MFN1: variants seen among roughly 807,000 people sequenced by gnomAD.
The protein encoded by MFN1 is mitofusin 1, also known as mitofusin-1.
In MFN1, 65 loss-of-function variants were observed where a neutral mutation model predicts 92.4. That is an observed-to-expected ratio of 0.70 (90% CI 0.58 to 0.86). MFN1 has a LOEUF of 0.86. Ranked by LOEUF, MFN1 falls within the 40% of genes least tolerant of loss-of-function variation. MFN1 has a pLI of 0.00. For synonymous variants in MFN1, 297 were observed against 300.9 expected (o/e 0.99, Z 0.13); for missense variants, 781 against 868.0 (o/e 0.90, Z 1.26).
chr3:179,358,805 A>G (rs769784871), intron 3 of MFN1, 35 bp from the exon 4 acceptor site: 1 of 1,582,164 alleles, frequency 6.3e-7, no homozygotes, highest in East Asian at 2.3e-5. Context: ...TTTTACTGTT[A>G]TGTTTTGTTT....
chr3:179,348,658 G>T, intron 1 of MFN1, 187 bp from the exon 2 acceptor site: 1 of 791,376 alleles, frequency 1.3e-6, no homozygotes, highest in Non-Finnish European at 1.8e-6. Flanking sequence ...ACTTATTTTA[G>T]TGAAATATCA....
chr3:179,356,870 C>T (rs139759882), intron 3 of MFN1, among the ~76,000 whole-genome samples: 48 of 152,256 alleles, frequency 3.2e-4, no homozygotes, highest in African/African-American at 1.0e-3. Context: ...TATGCTGAGA[C>T]ACCAGGTTGC....
At position 179,368,022 on chromosome 3, in the gene MFN1, C is replaced by T. The variant is rs753456749; in HGVS notation, c.908-14C>T. 4 of 1,494,146 alleles carry T rather than the reference C, an allele frequency of 2.7e-6. No individual in the cohort carries two copies. Among genetic ancestry groups the T allele is most frequent in the South Asian group, 1.4e-5 (1 of 69,458 alleles). 92.6% of individuals were successfully genotyped at this position (1,494,146 alleles called of 1,614,324 possible). On this transcript the variant is annotated splice_polypyrimidine_tract_variant and intron_variant, in intron 8 of 17. Coordinates refer to ENST00000471841, the MANE Select transcript of MFN1 (RefSeq NM_033540.3). ...TACATACTAGGTTTTTAAATCTTTG[C>T]CTGTACGTTACAGGTGTGGCACTTG...
chr3:179,370,693 A>AGCCACC (rs1201063076), intron 9 of MFN1, among the ~76,000 whole-genome samples: 1 of 152,138 alleles, frequency 6.6e-6, no homozygotes, highest in Non-Finnish European at 1.5e-5. Flanking sequence ...TACAGGCGTG[A>AGCCACC]GCCACCGTGC....
chr3:179,377,272 T>C (rs1713276201), intron 11 of MFN1, 72 bp from the exon 12 acceptor site: 1 of 1,521,572 alleles, frequency 6.6e-7, no homozygotes, highest in Non-Finnish European at 8.9e-7. Flanking sequence ...TTTCAGATTT[T>C]TCAATTTAAT....
chr3:179,381,384 T>G (rs1713460764), intron 14 of MFN1, among the ~76,000 whole-genome samples: 1 of 152,218 alleles, frequency 6.6e-6, no homozygotes, highest in Non-Finnish European at 1.5e-5. Context: ...AACAAAGTAC[T>G]GTGTACCGGA....
intron 9 of MFN1, among the ~76,000 whole-genome samples, chr3:179,371,867 T>C (rs2108542026): frequency 6.6e-6 from 1 of 152,028 alleles, no homozygotes; most frequent in African/African-American, 2.4e-5. Context: ...AAATGTTTTC[T>C]TTCTTAGAAG....
chr3:179,375,241 G>T lies in MFN1; in HGVS notation c.997G>T (p.Val333Leu). Reference sequence around the variant, plus strand: ...GCAGGAGTGTATCTCGCAGTCAGCAGTGAAAACAAAGTTCGAACAGCACAC... The same window carrying T: ...GCAGGAGTGTATCTCGCAGTCAGCATTGAAAACAAAGTTCGAACAGCACAC... The part of the protein sequence containing the change: ...IFEECISQSA[V>L]KTKFEQHTIR... The change falls in exon 10 of 18, where the codon GTG becomes TTG. Residue 333 changes from valine to leucine, a missense_variant. Val to Leu is a conservative substitution (Grantham distance 32). Transcript: ENST00000471841. 1 of 1,613,724 alleles carries T rather than the reference G, an allele frequency of 6.2e-7. No individual in the cohort carries two copies. Among genetic ancestry groups the T allele is most frequent in the Non-Finnish European group, 8.5e-7 (1 of 1,179,842 alleles).
intron 9 of MFN1, among the ~76,000 whole-genome samples, chr3:179,368,974 T>G (rs1421836303): frequency 6.6e-6 from 1 of 152,136 alleles, no homozygotes; most frequent in Non-Finnish European, 1.5e-5. Flanking sequence ...GCTTACTATC[T>G]CTCATCTTTA....
Position 179,364,535 on chromosome 3 carries a change from G to A in MFN1, c.645+130G>A, listed in dbSNP as rs193201167. 4.3e-5 allele frequency: 29 copies of A among 681,120 alleles called. No homozygotes were observed. In the East Asian group the frequency reaches 7.0e-4, roughly 16 times the overall value. The allele number at this position is 681,120 out of a possible 1,614,324, so 42.2% of individuals were successfully genotyped here. A position where few individuals can be genotyped will look rare whatever the true frequency, so the allele number is the denominator to read the frequency against. ...TCTAAAAACAGGCATGAATGAAGGG[G>A]TTTGTGTTTTCATAGAACCAGAAGG... On this transcript the variant is annotated intron_variant, in intron 6 of 17. Transcript: ENST00000471841.
chr3:179,373,559 A>G (rs576529502), intron 9 of MFN1, among the ~76,000 whole-genome samples: 2 of 152,260 alleles, frequency 1.3e-5, no homozygotes, highest in Middle Eastern at 3.4e-3. Context: ...GAAAATAAAC[A>G]TGTCTCTTAT....
intron 14 of MFN1, among the ~76,000 whole-genome samples, chr3:179,384,429 A>G (rs1713591859): frequency 6.6e-6 from 1 of 152,120 alleles, no homozygotes. Context: ...TTGTGTGCTC[A>G]CTAGCCATTT....
rs769518082 is a variant in MFN1 at position 179,359,419 on chromosome 3, C to CTT, written c.411+435_411+436dup. ...ATAGGCGTGAGCCACTGCACCCGGC[C>CTT]TTTTTTTTTTTTTTTTTTTGACACT... On this transcript the variant is annotated intron_variant, in intron 4 of 17. Coordinates refer to ENST00000471841, the MANE Select transcript of MFN1 (RefSeq NM_033540.3). Among the ~76,000 whole-genome samples, 32 of 124,760 alleles carry CTT rather than the reference C, an allele frequency of 2.6e-4. 1 individual carries two copies. Among genetic ancestry groups the CTT allele is most frequent in the African/African-American group, 4.9e-4 (15 of 30,490 alleles). The allele number at this position is 124,760 out of a possible 152,430, so 81.8% of individuals were successfully genotyped here.
intron 2 of MFN1, 114 bp from the exon 3 acceptor site, chr3:179,351,786 C>T: frequency 2.2e-6 from 2 of 922,376 alleles, no homozygotes; most frequent in South Asian, 4.8e-5. Context: ...CATTGAGATG[C>T]TGTGGGTGGC....
At position 179,377,446 on chromosome 3, in the gene MFN1, AGT is replaced by A. The variant is rs764781903; in HGVS notation, c.1329+1_1329+2del. 3 of 1,526,310 alleles carry A rather than the reference AGT, an allele frequency of 2.0e-6. No homozygotes were observed. The highest frequency in any genetic ancestry group is 2.7e-6 in the Non-Finnish European group (3 of 1,109,174). 94.5% of individuals were successfully genotyped at this position (1,526,310 alleles called of 1,614,324 possible). On this transcript the variant is annotated frameshift_variant and splice_region_variant, in exon 12 of 18. Coordinates refer to ENST00000471841, the MANE Select transcript of MFN1 (RefSeq NM_033540.3). LOFTEE classifies it high-confidence loss of function. ...TCCAGATGTATTAAAAATATATAAAAGTGTAAGTTAAAGTATAGATAAAATTA... is the reference window on the plus strand; with the variant it reads ...TCCAGATGTATTAAAAATATATAAAAGTAAGTTAAAGTATAGATAAAATTA... ...PNPDVLKIYK[S>X]ELNKHIEDGM... is the part of the protein sequence containing the mutation.
At chr3:179,364,547 A>G (rs1047367212) in intron 6 of MFN1, 142 bp downstream of exon 6, 2 of 648,262 alleles carry the variant, frequency 3.1e-6, no homozygotes, top group South Asian at 2.0e-5. Context: ...TTGTGTTTTC[A>G]TAGAACCAGA....
chr3:179,348,676 G>A, intron 1 of MFN1, 169 bp from the exon 2 acceptor site: 1 of 957,786 alleles, frequency 1.0e-6, no homozygotes, highest in Admixed American at 3.3e-5. Context: ...TCATTCAAAA[G>A]TCGTCTCTAA....
intron 17 of MFN1, 119 bp downstream of exon 17, chr3:179,390,257 A>G: frequency 4.5e-6 from 4 of 888,852 alleles, no homozygotes; most frequent in Non-Finnish European, 6.2e-6. Flanking sequence ...TTAAATGAAA[A>G]TCTTCCATAT....
intron 14 of MFN1, among the ~76,000 whole-genome samples, chr3:179,384,603 A>G (rs916122738): frequency 3.3e-5 from 5 of 152,212 alleles, no homozygotes; most frequent in African/African-American, 9.6e-5. Flanking sequence ...AGGACTTGCT[A>G]TGCCCAAGCT....
Sources: gnomAD v4.1 joint callset for allele counts (sites outside exome capture counted in the v4.1 genomes callset) on GRCh38, gnomAD v4.1.1 for gene constraint, MANE v1.5 for transcripts, NCBI Gene and HGNC (gene_info 2026-07-23, HGNC 2026-07-21) for gene names.